Variants in UST observed in about 807,000 individuals in gnomAD.
UST encodes the protein uronyl 2-sulfotransferase.
A neutral mutation model predicts 45.6 loss-of-function variants in UST; 21 were observed. That is an observed-to-expected ratio of 0.46 (90% CI 0.33 to 0.66). The LOEUF (loss-of-function observed/expected upper bound fraction) is 0.66, where lower values mean the gene tolerates loss of function less well. Ranked by LOEUF, UST falls within the 30% of genes least tolerant of loss-of-function variation. The pLI is 0.02. For synonymous variants in UST, 215 were observed against 200.6 expected (o/e 1.07, Z -0.61); for missense variants, 463 against 512.4 (o/e 0.90, Z 0.93).
chr6:148,886,896 A>G lies in UST; in HGVS notation c.248-90A>G, dbSNP rs1482197703. The G allele has an allele frequency of 9.3e-6, 10 of 1,079,026 alleles. No individual in the cohort carries two copies. In the Admixed American group the frequency reaches 1.2e-4, roughly 13 times the overall value. 66.8% of individuals were successfully genotyped at this position (1,079,026 alleles called of 1,614,324 possible). On this transcript the variant is annotated intron_variant, in intron 1 of 7. Coordinates refer to ENST00000367463, the MANE Select transcript of UST (RefSeq NM_005715.3). Reference sequence around the variant, plus strand: ...ACTGTTGTCTGAGCAGAAATACTGTATAACTAGAATGCTTATCTTCAATAA... The same window carrying G: ...ACTGTTGTCTGAGCAGAAATACTGTGTAACTAGAATGCTTATCTTCAATAA...
At position 149,019,198 on chromosome 6, in the gene UST, CATCA is replaced by C; in HGVS notation, c.742_745del (p.Ile248PhefsTer24). Reference sequence around the variant, plus strand: ...AGTGCTCCAACCCCAGGTTATTTTACATCATTCCGTACTTTTGTGGACAGCATCC... The same window carrying C: ...AGTGCTCCAACCCCAGGTTATTTTACTTCCGTACTTTTGTGGACAGCATCC... On this transcript the variant is annotated frameshift_variant, in exon 6 of 8. Transcript: ENST00000367463. LOFTEE classifies it high-confidence loss of function. 2 of 1,614,066 alleles carry C rather than the reference CATCA, an allele frequency of 1.2e-6. No individual in the cohort carries two copies. The highest frequency in any genetic ancestry group is 1.7e-6 in the Non-Finnish European group (2 of 1,179,972).
At position 149,076,108 on chromosome 6, in the gene UST, G is replaced by A. The variant is rs1048545522; in HGVS notation, c.*1992G>A. The A allele has an allele frequency of 1.3e-5, 2 of 152,510 alleles. No homozygotes were observed. Among genetic ancestry groups the A allele is most frequent in the Non-Finnish European group, 2.9e-5 (2 of 68,098 alleles). 9.4% of individuals were successfully genotyped at this position (152,510 alleles called of 1,614,324 possible). A position where few individuals can be genotyped will look rare whatever the true frequency, so the allele number is the denominator to read the frequency against. On this transcript the variant is annotated 3_prime_UTR_variant, in exon 8 of 8. Transcript: ENST00000367463. ...TTCTGCCTCAGAGGACGGGGGCAGA[G>A]AAGTGATGAAGGGAAATGTTCTTAG...
chr6:149,076,017 G>A lies in UST; in HGVS notation c.*1901G>A, dbSNP rs566699830. ...TGTGTTAAGAAGGCTGCAGCCCACA[G>A]GAGTCCAGGGAAGGCGGGGACCACA... On this transcript the variant is annotated 3_prime_UTR_variant, in exon 8 of 8. Transcript: ENST00000367463. 166 of 152,810 alleles carry A rather than the reference G, an allele frequency of 1.1e-3. 1 individual carries two copies. Among genetic ancestry groups the A allele is most frequent in the African/African-American group, 3.7e-3 (154 of 41,562 alleles). The allele number at this position is 152,810 out of a possible 1,614,324, so 9.5% of individuals were successfully genotyped here. A position where few individuals can be genotyped will look rare whatever the true frequency, so the allele number is the denominator to read the frequency against.
At chr6:148,923,122 TA>T (rs200762421) in intron 2 of UST, among the ~76,000 whole-genome samples, 3 of 151,922 alleles carry the variant, frequency 2.0e-5, no homozygotes, top group Non-Finnish European at 2.9e-5. Context: ...CTCCCACCCT[TA>T]AAAAAAATGC....
intron 1 of UST, among the ~76,000 whole-genome samples, chr6:148,845,201 G>C (rs1777965249): frequency 6.6e-6 from 1 of 152,154 alleles, no homozygotes; most frequent in Non-Finnish European, 1.5e-5. Flanking sequence ...AGTTCTTTGA[G>C]AAATCTCCAA....
intron 5 of UST, among the ~76,000 whole-genome samples, chr6:149,009,037 A>G (rs902587307): frequency 6.6e-6 from 1 of 152,268 alleles, no homozygotes; most frequent in Non-Finnish European, 1.5e-5. Flanking sequence ...AATGGAAACA[A>G]TAATCCTAAG....
intron 5 of UST, among the ~76,000 whole-genome samples, chr6:148,999,173 T>G (rs910162412): frequency 6.6e-6 from 1 of 152,240 alleles, no homozygotes; most frequent in Non-Finnish European, 1.5e-5. Context: ...TGTTCAAAAT[T>G]TAATGGTACT....
chr6:148,854,200 C>T (rs973141529), intron 1 of UST, among the ~76,000 whole-genome samples: 5 of 152,302 alleles, frequency 3.3e-5, no homozygotes, highest in African/African-American at 4.8e-5. Flanking sequence ...CCTCTGCTAC[C>T]GTCTGTCCTG....
chr6:148,933,847 T>C (rs1779968865), intron 2 of UST, among the ~76,000 whole-genome samples: 1 of 152,176 alleles, frequency 6.6e-6, no homozygotes, highest in Non-Finnish European at 1.5e-5. Flanking sequence ...GGTAGATTTA[T>C]TATGGGACAA....
chr6:148,894,564 G>A (rs1429752182), intron 2 of UST, among the ~76,000 whole-genome samples: 1 of 152,132 alleles, frequency 6.6e-6, no homozygotes, highest in Admixed American at 6.5e-5. Flanking sequence ...CCCCAGGCAG[G>A]AGCCAGCCCT....
chr6:148,957,958 G>C (rs903505426), intron 4 of UST, among the ~76,000 whole-genome samples: 1 of 152,262 alleles, frequency 6.6e-6, no homozygotes, highest in Admixed American at 6.5e-5. Context: ...CACGGTACTT[G>C]CTGGCAAGCA....
chr6:148,955,795 A>G (rs952144075), intron 4 of UST: 2 of 152,240 alleles, frequency 1.3e-5, no homozygotes, highest in Admixed American at 1.3e-4. Context: ...CTTGCTTCAT[A>G]GGTCAAATCT....
At chr6:149,067,670 A>G (rs115124941) in intron 7 of UST, among the ~76,000 whole-genome samples, 1,561 of 152,310 alleles carry the variant, frequency 0.01, 11 homozygotes, top group Middle Eastern at 0.034. Flanking sequence ...GATCTTATCA[A>G]ATATCAATCT....
chr6:149,063,033 G>A (rs1227966678), intron 7 of UST, among the ~76,000 whole-genome samples: 1 of 152,146 alleles, frequency 6.6e-6, no homozygotes, highest in Admixed American at 6.5e-5. Flanking sequence ...CCAACATTGG[G>A]TGGCCAACTA....
At chr6:148,754,742 G>A (rs1321086623) in intron 1 of UST, among the ~76,000 whole-genome samples, 1 of 152,160 alleles carries the variant, frequency 6.6e-6, no homozygotes, top group Non-Finnish European at 1.5e-5. Flanking sequence ...ATACTGTTAT[G>A]TATTGTTCAC....
At chr6:148,904,264 T>C (rs748932705) in intron 2 of UST, among the ~76,000 whole-genome samples, 47 of 152,316 alleles carry the variant, frequency 3.1e-4, no homozygotes, top group South Asian at 6.2e-4. Context: ...ACAGCTGGAC[T>C]TCATTTGCCC....
chr6:149,040,626 G>C (rs1250678047), intron 7 of UST, among the ~76,000 whole-genome samples: 1 of 152,108 alleles, frequency 6.6e-6, no homozygotes, highest in East Asian at 1.9e-4. Context: ...TTGTACTCCA[G>C]CCTGGGCAAC....
At position 149,007,644 on chromosome 6, in the gene UST, G is replaced by GA. The variant is rs534526517; in HGVS notation, c.682-11493dup. On this transcript the variant is annotated intron_variant, in intron 5 of 7. Coordinates refer to ENST00000367463, the MANE Select transcript of UST (RefSeq NM_005715.3). ...TCACCATGTTGGCCAGACTAGTCTT[G>GA]AACTCCTGACCTCAGGTGATCCACC... 9.9e-4 allele frequency among the ~76,000 whole-genome samples: 148 copies of GA among 150,146 alleles called. 2 individuals carry two copies. The highest frequency in any genetic ancestry group is 3.4e-3 in the African/African-American group (137 of 40,802).
intron 1 of UST, among the ~76,000 whole-genome samples, chr6:148,810,042 CATTTTAAA>C (rs1423088580): frequency 2.0e-5 from 3 of 152,174 alleles, no homozygotes; most frequent in Non-Finnish European, 4.4e-5. Context: ...GTTTTTCCCA[CATTTTAAA>C]ATGCATTGCC....
Sources: allele counts gnomAD v4.1 joint callset (sites outside exome capture counted in the v4.1 genomes callset), GRCh38; gene constraint gnomAD v4.1.1; transcripts MANE v1.5; gene names NCBI Gene and HGNC (gene_info 2026-07-23, HGNC 2026-07-21).